Variants in KLK14 observed in about 807,000 individuals in gnomAD.
KLK14 encodes kallikrein-14.
A neutral mutation model predicts 24.6 loss-of-function variants in KLK14; 21 were observed. The ratio of observed to expected loss-of-function variants is 0.85; its 90% CI spans 0.61 to 1.23. The LOEUF (loss-of-function observed/expected upper bound fraction) is 1.23, where lower values mean the gene tolerates loss of function less well. KLK14 is among the 50% of genes most tolerant of loss of function. KLK14 has a pLI of 0.00. For synonymous variants in KLK14, 133 were observed against 139.7 expected (o/e 0.95, Z 0.34); for missense variants, 320 against 338.9 (o/e 0.94, Z 0.44).
In KLK14 at chr19:51,082,880, T is replaced by G; in HGVS notation, c.-181A>C. 1 of 994,796 alleles carries G rather than the reference T, an allele frequency of 1.0e-6. No homozygotes were observed. The highest frequency in any genetic ancestry group is 1.5e-6 in the Non-Finnish European group (1 of 660,964). 61.6% of individuals were successfully genotyped at this position (994,796 alleles called of 1,614,324 possible). A position where few individuals can be genotyped will look rare whatever the true frequency, so the allele number is the denominator to read the frequency against. On this transcript the variant is annotated 5_prime_UTR_variant, in exon 1 of 6. Coordinates refer to ENST00000650543, the MANE Select transcript of KLK14 (RefSeq NM_001369775.2). ...GTCTTGATGAAGGAAGGAGGGGAGG[T>G]GTCTCTCTTCCTAGTCACACTGGCA...
Position 51,082,624 on chromosome 19 carries a change from T to C in KLK14, c.-10A>G. The C allele has an allele frequency of 1.2e-6, 2 of 1,614,188 alleles. No homozygotes were observed. Among genetic ancestry groups the C allele is most frequent in the Non-Finnish European group, 1.7e-6 (2 of 1,180,036 alleles). ...TCAGCAGGAGGAACATTTTAGGGGC[T>C]GAGGGCCAGGTCCTGTCAAATGCAG... On this transcript the variant is annotated 5_prime_UTR_variant, in exon 2 of 6. Transcript: ENST00000650543.
Position 51,078,904 on chromosome 19 carries a change from C to T in KLK14, c.514G>A (p.Asp172Asn). Residue 172 changes from aspartate (D) to asparagine (N), a missense_variant, in exon 5 of 6, where the codon GAT (aspartate) becomes AAT (asparagine). Asp to Asn is a conservative substitution (Grantham distance 23). Transcript: ENST00000650543. The surrounding 1 kb of genome is among the most constrained non-coding windows in gnomAD (Gnocchi z 5.0). ...LQCVNINISP[D>N]EVCQKAYPRT... ...GGATAGGCCTTCTGGCACACCTCAT[C>T]CGGGGAGATGTTGATGTTCACGCAT... is the stretch of plus-strand genomic sequence containing the variant. The T allele has an allele frequency of 6.2e-7, 1 of 1,614,066 alleles. No individual in the cohort carries two copies. Among genetic ancestry groups the T allele is most frequent in the Admixed American group, 1.7e-5 (1 of 60,014 alleles).
At chr19:51,081,921 G>A (rs1480262628) in intron 2 of KLK14, among the ~76,000 whole-genome samples, 2 of 152,020 alleles carry the variant, frequency 1.3e-5, no homozygotes, top group Admixed American at 6.5e-5. Context: ...AGTCACCTCC[G>A]TAGCATCTCT....
In KLK14 at chr19:51,078,162, G is replaced by A. The variant is rs769609771; in HGVS notation, c.604-3C>T. 31 of 1,612,954 alleles carry A rather than the reference G, an allele frequency of 1.9e-5. No homozygotes were observed. The South Asian group carries it at 3.3e-4, about 17-fold the overall frequency. On this transcript the variant is annotated splice_polypyrimidine_tract_variant and splice_region_variant and intron_variant, in intron 5 of 5. Transcript: ENST00000650543. The surrounding 1 kb of genome is among the most constrained non-coding windows in gnomAD (Gnocchi z 5.0). ...ACCAGGGGTCCCCCAGAGTCACCCT[G>A]AGGGGGAGGAACAGAAATGGAGACA...
chr19:51,078,206 G>A lies in KLK14; in HGVS notation c.604-47C>T. 1 of 1,592,278 alleles carries A rather than the reference G, an allele frequency of 6.3e-7. No individual in the cohort carries two copies. The highest frequency in any genetic ancestry group is 8.6e-7 in the Non-Finnish European group (1 of 1,167,794). ...GGAGACACTGATGGACAGGTAGCCAGAGCCACCATGGCACAGAGAACCCGA... is the reference window on the plus strand; with the variant it reads ...GGAGACACTGATGGACAGGTAGCCAAAGCCACCATGGCACAGAGAACCCGA... On this transcript the variant is annotated intron_variant, in intron 5 of 5. Coordinates refer to ENST00000650543, the MANE Select transcript of KLK14 (RefSeq NM_001369775.2). This position sits in a 1 kb window ranked among gnomAD's most constrained non-coding sequence, Gnocchi z 5.0.
rs2091817965 is a variant in KLK14 at position 51,078,701 on chromosome 19, T to A, written c.603+114A>T. On this transcript the variant is annotated intron_variant, in intron 5 of 5. Coordinates refer to ENST00000650543, the MANE Select transcript of KLK14 (RefSeq NM_001369775.2). The surrounding 1 kb of genome is among the most constrained non-coding windows in gnomAD (Gnocchi z 5.0). ...TGGCCTGGCTATCGGAATCTCTCTG[T>A]GCCTGCGGTTCACTCTCTTCTGAAG... is the stretch of plus-strand genomic sequence containing the variant. 3 of 1,385,500 alleles carry A rather than the reference T, an allele frequency of 2.2e-6. No individual in the cohort carries two copies. The highest frequency in any genetic ancestry group is 3.0e-6 in the Non-Finnish European group (3 of 1,014,810). 85.8% of individuals were successfully genotyped at this position (1,385,500 alleles called of 1,614,324 possible). A position where few individuals can be genotyped will look rare whatever the true frequency, so the allele number is the denominator to read the frequency against.
In KLK14 at chr19:51,078,991, C is replaced by T. The variant is rs750027472; in HGVS notation, c.467-40G>A. 6.3e-7 allele frequency: 1 copy of T among 1,597,522 alleles called. No homozygotes were observed. Among genetic ancestry groups the T allele is most frequent in the Admixed American group, 1.7e-5 (1 of 59,356 alleles). ...AGGGTTATAACTGGGTCTACCCTCCCATAAGACCCAAGGGTCCAGGCCCCC... is the reference window on the plus strand; with the variant it reads ...AGGGTTATAACTGGGTCTACCCTCCTATAAGACCCAAGGGTCCAGGCCCCC... On this transcript the variant is annotated intron_variant, in intron 4 of 5. Coordinates refer to ENST00000650543, the MANE Select transcript of KLK14 (RefSeq NM_001369775.2). This position sits in a 1 kb window ranked among gnomAD's most constrained non-coding sequence, Gnocchi z 5.0.
chr19:51,078,046 C>T lies in KLK14; in HGVS notation c.717G>A (p.Lys239=). ...GYPGVYTNLC[K]YRSWIEETMR... Reference sequence around the variant, plus strand: ...TCGTTTCCTCAATCCAGCTTCTGTACTTGCACAGGTTGGTGTAGACACCGG... The same window carrying T: ...TCGTTTCCTCAATCCAGCTTCTGTATTTGCACAGGTTGGTGTAGACACCGG... Residue 239 remains lysine, a synonymous_variant, in exon 6 of 6, where the codon AAG becomes AAA. Coordinates refer to ENST00000650543, the MANE Select transcript of KLK14 (RefSeq NM_001369775.2). This position sits in a 1 kb window ranked among gnomAD's most constrained non-coding sequence, Gnocchi z 5.0. 1.2e-6 allele frequency: 2 copies of T among 1,613,982 alleles called. No individual in the cohort carries two copies. Among genetic ancestry groups the T allele is most frequent in the Non-Finnish European group, 1.7e-6 (2 of 1,179,898 alleles).
In KLK14 at chr19:51,081,536, G is replaced by A. The variant is rs376155491; in HGVS notation, c.208C>T (p.Arg70Cys). 6.9e-5 allele frequency: 105 copies of A among 1,515,096 alleles called. No homozygotes were observed. In the Middle Eastern group the frequency reaches 1.9e-3, roughly 27 times the overall value. 93.9% of individuals were successfully genotyped at this position (1,515,096 alleles called of 1,614,324 possible). A position where few individuals can be genotyped will look rare whatever the true frequency, so the allele number is the denominator to read the frequency against. Residue 70 changes from arginine (R) to cysteine (C), a missense_variant, in exon 3 of 6, where the codon CGC becomes TGC. Physicochemically the swap from Arg to Cys is radical, Grantham distance 180 (BLOSUM62 -3). Transcript: ENST00000650543. ...QWVITAAHCG[R>C]PILQVALGKH... ...ACAGGGGAGGGGGTCACTTACGGGC[G>A]GCCGCAGTGAGCAGCAGTGATGACC...
At chr19:51,082,479 G>A in intron 2 of KLK14, 96 bp downstream of exon 2, 1 of 1,116,080 alleles carries the variant, frequency 9.0e-7, no homozygotes, top group East Asian at 2.4e-5. Context: ...TTCTTATGAG[G>A]TCACCATGAG....
At chr19:51,079,761 C>A in intron 3 of KLK14, 59 bp from the exon 4 acceptor site, 1 of 1,502,152 alleles carries the variant, frequency 6.7e-7, no homozygotes. Flanking sequence ...CTCCTCCCCA[C>A]CCTCCAGCCC....
At chr19:51,082,192 C>T (rs186825256) in intron 2 of KLK14, among the ~76,000 whole-genome samples, 18 of 150,032 alleles carry the variant, frequency 1.2e-4, no homozygotes, top group Admixed American at 1.1e-3. Context: ...CCCCATGCCA[C>T]GATCCCGCCA....
chr19:51,082,993 T>G, upstream of KLK14: 15 of 573,156 alleles, frequency 2.6e-5, no homozygotes, highest in East Asian at 5.9e-5. Flanking sequence ...TATTGCCTAG[T>G]TCCCATTCCA....
upstream of KLK14, among the ~76,000 whole-genome samples, chr19:51,083,391 A>AGAGAGAGAGATG (rs2091853161): frequency 6.7e-6 from 1 of 149,182 alleles, no homozygotes; most frequent in Non-Finnish European, 1.5e-5. Context: ...GGGGGGAGAG[A>AGAGAGAGAGATG]GAGAGAGAGA....
chr19:51,082,527 C>T (rs2122761788), intron 2 of KLK14, 48 bp downstream of exon 2: 1 of 1,588,552 alleles, frequency 6.3e-7, no homozygotes, highest in Middle Eastern at 2.0e-4. Flanking sequence ...CATCTCTTCT[C>T]AGAGTCTCCA....
intron 2 of KLK14, 140 bp downstream of exon 2, chr19:51,082,434 TC>T: frequency 1.4e-6 from 1 of 722,788 alleles, no homozygotes. Flanking sequence ...TCCAGCACGT[TC>T]CCCCACCATG....
chr19:51,083,429 A>G (rs35054279), upstream of KLK14, among the ~76,000 whole-genome samples: 1 of 149,212 alleles, frequency 6.7e-6, no homozygotes, highest in Non-Finnish European at 1.5e-5. Flanking sequence ...AGAGAGCCAG[A>G]CAGAGAGACA....
intron 3 of KLK14, among the ~76,000 whole-genome samples, chr19:51,080,093 T>A (rs1165823951): frequency 6.6e-6 from 1 of 152,220 alleles, no homozygotes; most frequent in African/African-American, 2.4e-5. Context: ...CTAGCCTGGG[T>A]TCTGAGTTCT....
chr19:51,078,118 C>G lies in KLK14; in HGVS notation c.645G>C (p.Gln215His). 1 of 1,613,940 alleles carries G rather than the reference C, an allele frequency of 6.2e-7. No homozygotes were observed. The highest frequency in any genetic ancestry group is 8.5e-7 in the Non-Finnish European group (1 of 1,179,890). ...GCTCCATTCCCCAAGACACGAGGCC[C>G]TGGAGCTGTCCTCTGCACACCAGGG... ...GGPLVCRGQL[Q>H]GLVSWGMERC... The change falls in exon 6 of 6, where the codon CAG (glutamine) becomes CAC (histidine). Residue 215 changes from glutamine to histidine, a missense_variant. Physicochemically the swap from Gln to His is conservative, Grantham distance 24. Transcript: ENST00000650543. This position sits in a 1 kb window ranked among gnomAD's most constrained non-coding sequence, Gnocchi z 5.0.
Sources: gnomAD v4.1 joint callset for allele counts (sites outside exome capture counted in the v4.1 genomes callset) on GRCh38, gnomAD v4.1.1 for gene constraint, Gnocchi (gnomAD v3.1) non-coding constraint, MANE v1.5 for transcripts, NCBI Gene and HGNC (gene_info 2026-07-23, HGNC 2026-07-21) for gene names.